USP34: variants seen among roughly 807,000 people sequenced by gnomAD.
USP34 encodes the protein ubiquitin carboxyl-terminal hydrolase 34.
In USP34, 70 loss-of-function variants were observed where a neutral mutation model predicts 460.3. The ratio of observed to expected loss-of-function variants is 0.15; its 90% CI spans 0.13 to 0.19. USP34 has a LOEUF of 0.19. Among genes scored for constraint, USP34 ranks in the 10% least tolerant of loss-of-function variants. The pLI, the probability that USP34 is intolerant of heterozygous loss-of-function variation, is 1.00. For missense variants in USP34, 3,985 were observed against 4,236.2 expected, an observed-to-expected ratio of 0.94 and a Z score of 1.65; for synonymous variants, 1,647 against 1,405.3, an observed-to-expected ratio of 1.17 and a Z score of -3.85.
At chr2:61,398,767 T>C (rs76523551) in intron 3 of USP34, among the ~76,000 whole-genome samples, 2,007 of 152,254 alleles carry the variant, frequency 0.013, 56 homozygotes, top group African/African-American at 0.046. Flanking sequence ...AGTCTGAAAA[T>C]CATGGATTGA....
intron 1 of USP34, among the ~76,000 whole-genome samples, chr2:61,466,620 A>G (rs1264646717): frequency 6.6e-6 from 1 of 152,156 alleles, no homozygotes; most frequent in African/African-American, 2.4e-5. Flanking sequence ...TTTTTTAAAC[A>G]AAATTTTTAG....
chr2:61,354,498 C>A (rs1692047411), intron 10 of USP34, among the ~76,000 whole-genome samples: 1 of 152,166 alleles, frequency 6.6e-6, no homozygotes, highest in Admixed American at 6.5e-5. Context: ...TGCTAAAAGA[C>A]AGTTTCCCAG....
rs1289851114 is a variant in USP34 at position 61,405,804 on chromosome 2, A to G, written c.456T>C (p.Asp152=). The change falls in exon 3 of 80, where the codon GAT becomes GAC. Residue 152 remains aspartate (D), a synonymous_variant. Transcript: ENST00000398571. ...SSDPFSLWST[D]EKEKLLLCVA... ...CACATAGTAAGAGTTTTTCCTTCTC[A>G]TCTGTACTCCATAAACTAAAAGGAT... The G allele has an allele frequency of 6.2e-7, 1 of 1,612,936 alleles. No homozygotes were observed. Among genetic ancestry groups the G allele is most frequent in the Non-Finnish European group, 8.5e-7 (1 of 1,179,696 alleles).
In USP34 at chr2:61,220,444, T is replaced by C. The variant is rs776019125; in HGVS notation, c.7913A>G (p.Asn2638Ser). 3.0e-5 allele frequency: 49 copies of C among 1,611,796 alleles called. No homozygotes were observed. Among genetic ancestry groups the C allele is most frequent in the Middle Eastern group, 1.7e-4 (1 of 6,042 alleles). Residue 2638 changes from asparagine (N) to serine (S), a missense_variant, in exon 67 of 80, where the codon AAT becomes AGT. By Grantham distance (46) the Asn-to-Ser change is conservative. Around this residue, in one of 14 missense-constraint regions of USP34, gnomAD observed 604 missense variants for 684.8 expected, o/e 0.88. Coordinates refer to ENST00000398571, the MANE Select transcript of USP34 (RefSeq NM_014709.4). ...CAACCAATCTAGACACTGAGAAGGA[T>C]TGTATTCAATCACCTACAAATAACA... is the stretch of plus-strand genomic sequence containing the variant. ...LQRIWEVIEY[N>S]PSQCLDWLAV... is the part of the protein sequence containing the mutation.
intron 53 of USP34, among the ~76,000 whole-genome samples, chr2:61,238,406 G>A (rs770231371): frequency 1.1e-4 from 17 of 152,092 alleles, no homozygotes; most frequent in African/African-American, 4.8e-5. Context: ...TCAGTTTAAG[G>A]TTAACTTCCT....
chr2:61,261,993 A>G (rs1469996321), intron 43 of USP34, among the ~76,000 whole-genome samples: 5 of 148,236 alleles, frequency 3.4e-5, no homozygotes, highest in Non-Finnish European at 7.4e-5. Flanking sequence ...CGGGAGGCTG[A>G]GGCAGGAGAA....
At chr2:61,399,137 G>A (rs542685911) in intron 3 of USP34, among the ~76,000 whole-genome samples, 6 of 152,068 alleles carry the variant, frequency 3.9e-5, no homozygotes, top group East Asian at 1.9e-4. Context: ...GGTGGATCAC[G>A]AGGTCAGGAG....
At chr2:61,297,555 G>C (rs1690065950) in intron 29 of USP34, among the ~76,000 whole-genome samples, 1 of 152,126 alleles carries the variant, frequency 6.6e-6, no homozygotes, top group Admixed American at 6.6e-5. Context: ...CACCCTGAGA[G>C]GTAAAAAGAG....
At position 61,350,075 on chromosome 2, in the gene USP34, T is replaced by TC. The variant is rs991373839; in HGVS notation, c.1507+184dup. Among the ~76,000 whole-genome samples the TC allele has an allele frequency of 9.4e-4, 143 of 152,140 alleles. 9 individuals are homozygous for TC. Among genetic ancestry groups the TC allele is most frequent in the Non-Finnish European group, 4.4e-5 (3 of 68,032 alleles). ...AGTAACTACAAAGACTTCATCACTA[T>TC]CCTTCACTTAAAAGGTAAACCAAAA... is the stretch of plus-strand genomic sequence containing the variant. On this transcript the variant is annotated intron_variant, in intron 12 of 79. Coordinates refer to ENST00000398571, the MANE Select transcript of USP34 (RefSeq NM_014709.4).
At chr2:61,378,660 C>T (rs181588212) in intron 7 of USP34, among the ~76,000 whole-genome samples, 2 of 152,210 alleles carry the variant, frequency 1.3e-5, no homozygotes, top group East Asian at 3.9e-4. Context: ...AATCCCAGCA[C>T]TTTAGGAGGC....
intron 5 of USP34, among the ~76,000 whole-genome samples, chr2:61,387,407 G>C (rs56110893): frequency 0.12 from 18,744 of 151,832 alleles, 1,556 homozygotes; most frequent in South Asian, 0.35. Flanking sequence ...GGAGACTGCA[G>C]TGAGCCAAGA....
intron 1 of USP34, among the ~76,000 whole-genome samples, chr2:61,442,723 C>T (rs1694999161): frequency 6.6e-6 from 1 of 152,144 alleles, no homozygotes. Flanking sequence ...ACTACAAACA[C>T]GACTACCATA....
At chr2:61,311,492 G>GAGAA (rs1558523855) in intron 27 of USP34, 48 bp downstream of exon 27, 31 of 198,256 alleles carry the variant, frequency 1.6e-4, no homozygotes, top group South Asian at 8.7e-4. Context: ...AAGAGAAAAA[G>GAGAA]AAAGAAAGAG....
At chr2:61,333,341 G>C (rs949830216) in intron 19 of USP34, among the ~76,000 whole-genome samples, 3 of 152,058 alleles carry the variant, frequency 2.0e-5, no homozygotes, top group African/African-American at 7.2e-5. Flanking sequence ...ATGCATAGCA[G>C]TTGAACATAA....
intron 12 of USP34, 114 bp downstream of exon 12, chr2:61,350,146 C>G (rs941689322): frequency 1.1e-4 from 125 of 1,179,234 alleles, no homozygotes; most frequent in Non-Finnish European, 1.3e-4. Context: ...ACTCTTCTAC[C>G]CATCCCACAC....
chr2:61,435,240 G>C (rs922337957), intron 1 of USP34, among the ~76,000 whole-genome samples: 3 of 131,822 alleles, frequency 2.3e-5, no homozygotes, highest in Non-Finnish European at 4.6e-5. Context: ...GGAAGTCAAG[G>C]CTGCAATAAG....
At chr2:61,210,651 G>C (rs7591402) in intron 69 of USP34, among the ~76,000 whole-genome samples, 1 of 152,048 alleles carries the variant, frequency 6.6e-6, no homozygotes, top group Non-Finnish European at 1.5e-5. Flanking sequence ...TGTTGTTATA[G>C]ACTACAACTG....
intron 1 of USP34, among the ~76,000 whole-genome samples, chr2:61,425,506 AAAG>A (rs1694485700): frequency 6.6e-6 from 1 of 152,112 alleles, no homozygotes; most frequent in African/African-American, 2.4e-5. Flanking sequence ...TGAGAGCAGA[AAAG>A]AAAACCAGAT....
chr2:61,461,001 A>G (rs1271874384), intron 1 of USP34, among the ~76,000 whole-genome samples: 1 of 151,938 alleles, frequency 6.6e-6, no homozygotes, highest in Non-Finnish European at 1.5e-5. Context: ...AAAGAAAAAA[A>G]AAACAGGTAA....
Sources: allele counts gnomAD v4.1 joint callset (sites outside exome capture counted in the v4.1 genomes callset), GRCh38; gene constraint gnomAD v4.1.1; regional missense constraint gnomAD v4.1.1; transcripts MANE v1.5; gene names NCBI Gene and HGNC (gene_info 2026-07-23, HGNC 2026-07-21).